The following ENPP2 variants were observed in gnomAD, a reference collection of about 807,000 sequenced individuals.
ENPP2 encodes the protein ectonucleotide pyrophosphatase/phosphodiesterase 2, also known as autotaxin.
In ENPP2, 51 loss-of-function variants were observed where a neutral mutation model predicts 120.2. The observed-to-expected ratio is 0.42, with a 90% CI of 0.34 to 0.54. ENPP2 has a LOEUF of 0.54. ENPP2 is among the 20% of genes least tolerant of loss of function. The pLI is 0.04. For synonymous variants in ENPP2, 365 were observed against 366.4 expected (o/e 1.00, Z 0.04); for missense variants, 920 against 1,066.5 (o/e 0.86, Z 1.91).
intron 2 of ENPP2, among the ~76,000 whole-genome samples, chr8:119,637,264 C>T (rs1049073573): frequency 6.6e-6 from 1 of 152,112 alleles, no homozygotes; most frequent in African/African-American, 2.4e-5. Context: ...TGTCCTCTGC[C>T]TCCCCAACAG....
chr8:119,670,683 T>C (rs1486233809), intron 1 of ENPP2, among the ~76,000 whole-genome samples: 1 of 152,238 alleles, frequency 6.6e-6, no homozygotes, highest in Non-Finnish European at 1.5e-5. Flanking sequence ...GGCTTTCAGC[T>C]GGGTCTAAAT....
chr8:119,641,460 T>C (rs955613428), upstream of ENPP2, among the ~76,000 whole-genome samples: 2 of 152,194 alleles, frequency 1.3e-5, no homozygotes, highest in African/African-American at 4.8e-5. Flanking sequence ...GATTTTGTAA[T>C]AAGGACACAT....
At chr8:119,596,081 T>C in intron 11 of ENPP2, 1 of 1,367,510 alleles carries the variant, frequency 7.3e-7, no homozygotes, top group Admixed American at 2.0e-5. Context: ...CACTTTCCCA[T>C]CTGGGATCAG....
chr8:119,619,158 T>G, intron 5 of ENPP2, 86 bp downstream of exon 5: 1 of 1,003,334 alleles, frequency 1.0e-6, no homozygotes, highest in Non-Finnish European at 1.6e-6. Flanking sequence ...AGTTCCACAT[T>G]GTTTCTAAAT....
chr8:119,643,844 A>G lies in ENPP2; in HGVS notation c.22-5317T>C, dbSNP rs1817352606. ...AGGGTCAGAGAAGAATTTGTGGAGT[A>G]AGTGTTCATTGAGCTGCGATTGGAA... On this transcript the variant is annotated intron_variant, in intron 1 of 25. Transcript: ENST00000427067. 3.9e-5 allele frequency among the ~76,000 whole-genome samples: 6 copies of G among 152,346 alleles called. No individual in the cohort carries two copies. The South Asian group carries it at 1.2e-3, about 32-fold the overall frequency.
At chr8:119,615,470 C>T (rs968162858) in intron 8 of ENPP2, among the ~76,000 whole-genome samples, 15 of 152,292 alleles carry the variant, frequency 9.8e-5, no homozygotes, top group African/African-American at 3.6e-4. Context: ...GTTGCGTAAC[C>T]ATACACACGG....
chr8:119,651,850 G>A (rs796885468), intron 1 of ENPP2, among the ~76,000 whole-genome samples: 15 of 152,270 alleles, frequency 9.9e-5, no homozygotes, highest in African/African-American at 3.6e-4. Context: ...GGAAACCAGA[G>A]TTTTCCAAAT....
intron 4 of ENPP2, among the ~76,000 whole-genome samples, chr8:119,620,829 A>C (rs1815842020): frequency 6.6e-6 from 1 of 152,182 alleles, no homozygotes; most frequent in Non-Finnish European, 1.5e-5. Flanking sequence ...CATCCCCTTT[A>C]CCAGCAAGTA....
At chr8:119,660,420 C>T (rs1441166136) in intron 1 of ENPP2, among the ~76,000 whole-genome samples, 1 of 152,074 alleles carries the variant, frequency 6.6e-6, no homozygotes, top group Non-Finnish European at 1.5e-5. Context: ...GCAGTGTGGC[C>T]CCAGAGCCTG....
chr8:119,599,798 G>A (rs759803697), intron 11 of ENPP2, among the ~76,000 whole-genome samples: 28 of 152,162 alleles, frequency 1.8e-4, no homozygotes, highest in Non-Finnish European at 3.5e-4. Context: ...CTGAGGTCAG[G>A]AGTTAGAGAC....
chr8:119,626,608 A>G lies in ENPP2; in HGVS notation c.249T>C (p.Tyr83=), dbSNP rs1816295272. ...CATCAAAGTCATGGCAGCAACTGGT[A>G]TAGCTCTTACACAAGTTGTCACAGC... ...DCRCDNLCKS[Y]TSCCHDFDEL... Residue 83 remains tyrosine, a synonymous_variant, in exon 3 of 25, where the codon TAT becomes TAC. Coordinates refer to ENST00000075322, the MANE Select transcript of ENPP2 (RefSeq NM_001040092.3). 2 of 1,613,978 alleles carry G rather than the reference A, an allele frequency of 1.2e-6. No homozygotes were observed. Among genetic ancestry groups the G allele is most frequent in the Non-Finnish European group, 1.7e-6 (2 of 1,179,822 alleles).
intron 1 of ENPP2, among the ~76,000 whole-genome samples, chr8:119,651,252 G>A (rs1817618021): frequency 6.6e-6 from 1 of 152,168 alleles, no homozygotes; most frequent in African/African-American, 2.4e-5. Context: ...CAGAAAGGGA[G>A]TAGAGAAAGG....
At chr8:119,647,277 G>A (rs751395194) in intron 1 of ENPP2, among the ~76,000 whole-genome samples, 2 of 152,140 alleles carry the variant, frequency 1.3e-5, no homozygotes, top group African/African-American at 2.4e-5. Flanking sequence ...TTACAGGGGT[G>A]AGCCACTGCG....
At chr8:119,615,193 C>A (rs1297356019) in intron 8 of ENPP2, among the ~76,000 whole-genome samples, 1 of 152,118 alleles carries the variant, frequency 6.6e-6, no homozygotes, top group East Asian at 1.9e-4. Flanking sequence ...ACACTGCCCA[C>A]CAGTCATGCC....
chr8:119,604,562 T>C (rs1814557049), intron 9 of ENPP2, among the ~76,000 whole-genome samples: 1 of 143,544 alleles, frequency 7.0e-6, no homozygotes, highest in Admixed American at 7.3e-5. Flanking sequence ...GAATTTGTCA[T>C]GAGACCAAGT....
chr8:119,588,991 G>A (rs529560183), intron 13 of ENPP2, among the ~76,000 whole-genome samples: 99 of 152,244 alleles, frequency 6.5e-4, no homozygotes, highest in African/African-American at 2.3e-3. Context: ...ACCCCTCTCT[G>A]AGCCTCAATT....
At chr8:119,665,353 TG>T (rs1448751063) in intron 1 of ENPP2, among the ~76,000 whole-genome samples, 1 of 152,194 alleles carries the variant, frequency 6.6e-6, no homozygotes, top group African/African-American at 2.4e-5. Context: ...TCCTGCTTGT[TG>T]GGTCTTTAAG....
chr8:119,667,753 T>G (rs1346168361), intron 1 of ENPP2, among the ~76,000 whole-genome samples: 1 of 152,224 alleles, frequency 6.6e-6, no homozygotes, highest in Non-Finnish European at 1.5e-5. Flanking sequence ...GCAGCCAGAT[T>G]GATCTTTCCA....
At chr8:119,612,934 T>C (rs1346285691) in intron 8 of ENPP2, among the ~76,000 whole-genome samples, 2 of 152,190 alleles carry the variant, frequency 1.3e-5, no homozygotes, top group Non-Finnish European at 2.9e-5. Flanking sequence ...AATCTGCTTC[T>C]CTTAGAAACA....
Sources: gnomAD v4.1 joint callset for allele counts (sites outside exome capture counted in the v4.1 genomes callset) on GRCh38, gnomAD v4.1.1 for gene constraint, MANE v1.5 for transcripts, NCBI Gene and HGNC (gene_info 2026-07-23, HGNC 2026-07-21) for gene names.